Variants in TMEM135 observed in about 807,000 individuals in gnomAD.
TMEM135 encodes the protein transmembrane protein 135, also known as peroxisomal membrane protein 52.
In TMEM135, 30 loss-of-function variants were observed where a neutral mutation model predicts 60.3. The ratio of observed to expected loss-of-function variants is 0.50; its 90% CI spans 0.37 to 0.68. The LOEUF (loss-of-function observed/expected upper bound fraction) is 0.68, where lower values mean the gene tolerates loss of function less well. TMEM135 is among the 30% of genes least tolerant of loss of function. The probability of loss-of-function intolerance (pLI) is 0.00; values close to 1 mark genes in which losing one functional copy is unlikely to be tolerated. For missense variants in TMEM135, 468 were observed against 548.8 expected, an observed-to-expected ratio of 0.85 and a Z score of 1.47; for synonymous variants, 190 against 186.7, an observed-to-expected ratio of 1.02 and a Z score of -0.14.
chr11:87,250,325 A>T (rs1941385998), intron 6 of TMEM135, among the ~76,000 whole-genome samples: 2 of 151,876 alleles, frequency 1.3e-5, no homozygotes, highest in Admixed American at 1.3e-4. Context: ...TCTTCTGCTA[A>T]TTTTGGGCTT....
Position 87,177,689 on chromosome 11 carries a change from C to T in TMEM135, c.462+20283C>T, listed in dbSNP as rs568123630. ...CTTTTTGTCTCTTTTTTTCCATTTC[C>T]GCCCTCTGTGGGTATATTGTAATAC... On this transcript the variant is annotated intron_variant, in intron 5 of 14. Coordinates refer to ENST00000305494, the MANE Select transcript of TMEM135 (RefSeq NM_022918.4). Among the ~76,000 whole-genome samples, 15 of 152,060 alleles carry T rather than the reference C, an allele frequency of 9.9e-5. No individual in the cohort carries two copies. The South Asian group carries it at 1.5e-3, about 15-fold the overall frequency.
intron 6 of TMEM135, among the ~76,000 whole-genome samples, chr11:87,246,644 C>T (rs1003114780): frequency 1.3e-4 from 19 of 150,084 alleles, no homozygotes; most frequent in African/African-American, 3.7e-4. Context: ...TTGATTGTGT[C>T]GGCTCCTGAG....
intron 4 of TMEM135, among the ~76,000 whole-genome samples, chr11:87,137,997 G>A (rs147060562): frequency 3.2e-4 from 48 of 151,714 alleles, no homozygotes; most frequent in African/African-American, 1.1e-3. Flanking sequence ...CGCTGTTAAG[G>A]TCCATTGTCT....
In TMEM135 at chr11:87,318,236, G is replaced by C. The variant is rs1351027673; in HGVS notation, c.1176+1G>C. 1 of 1,603,018 alleles carries C rather than the reference G, an allele frequency of 6.2e-7. No individual in the cohort carries two copies. The highest frequency in any genetic ancestry group is 8.5e-7 in the Non-Finnish European group (1 of 1,172,166). ...CTCTACAGCAATTTGCTTCCAGGCA[G>C]TAAGTATAACTTTTTGAAATGAGAA... On this transcript the variant is annotated splice_donor_variant, in intron 13 of 14. Transcript: ENST00000305494. LOFTEE classifies it high-confidence loss of function.
chr11:87,104,524 C>T (rs2135188996), intron 4 of TMEM135, among the ~76,000 whole-genome samples: 1 of 152,118 alleles, frequency 6.6e-6, no homozygotes, highest in South Asian at 2.1e-4. Context: ...TTGCTTTGGG[C>T]AGTATGAACA....
chr11:87,263,562 T>A (rs1941693143), intron 6 of TMEM135, among the ~76,000 whole-genome samples: 1 of 152,260 alleles, frequency 6.6e-6, no homozygotes, highest in African/African-American at 2.4e-5. Flanking sequence ...GTTCAAAAAT[T>A]CATAAACTGT....
rs745990900 is a variant in TMEM135 at position 87,314,554 on chromosome 11, G to A, written c.1077+7G>A. The A allele has an allele frequency of 2.3e-5, 37 of 1,608,894 alleles. No individual in the cohort carries two copies. Among genetic ancestry groups the A allele is most frequent in the African/African-American group, 1.3e-4 (10 of 74,734 alleles). The stretch of plus-strand genomic sequence containing the variant: ...AGCGTCCAAATTGGTAGAGGTAAGC[G>A]AAATTTTTGTGCAAGAATAGTTCCA... On this transcript the variant is annotated splice_region_variant and intron_variant, in intron 12 of 14. Coordinates refer to ENST00000305494, the MANE Select transcript of TMEM135 (RefSeq NM_022918.4).
intron 6 of TMEM135, among the ~76,000 whole-genome samples, chr11:87,261,583 TTC>T (rs780603337): frequency 3.3e-5 from 5 of 152,322 alleles, no homozygotes; most frequent in East Asian, 1.9e-4. Flanking sequence ...CTCTTTGTAC[TTC>T]TCTCTTTTTA....
At chr11:87,289,642 A>G (rs1942231361) in intron 6 of TMEM135, among the ~76,000 whole-genome samples, 1 of 151,866 alleles carries the variant, frequency 6.6e-6, no homozygotes, top group East Asian at 1.9e-4. Context: ...TTTTTGTTAG[A>G]GACGGGTTTC....
chr11:87,106,363 C>CA (rs1236382290), intron 4 of TMEM135, among the ~76,000 whole-genome samples: 5 of 152,140 alleles, frequency 3.3e-5, no homozygotes, highest in Non-Finnish European at 5.9e-5. Flanking sequence ...CTTAGCCTCT[C>CA]AAAGTGTTGG....
intron 5 of TMEM135, among the ~76,000 whole-genome samples, chr11:87,176,147 T>C (rs1591079284): frequency 6.6e-6 from 1 of 151,574 alleles, no homozygotes; most frequent in Admixed American, 6.6e-5. Flanking sequence ...TAATGGGAGG[T>C]GTTTGGGTCA....
chr11:87,091,413 A>G lies in TMEM135; in HGVS notation c.396+18A>G. ...CCAACTTGGTAAGTATTTTGTTTTA[A>G]CCTTTGATGTCTTCCCATAAGCTAT... On this transcript the variant is annotated intron_variant, in intron 4 of 14. Coordinates refer to ENST00000305494, the MANE Select transcript of TMEM135 (RefSeq NM_022918.4). 6.2e-7 allele frequency: 1 copy of G among 1,610,690 alleles called. No individual in the cohort carries two copies. The highest frequency in any genetic ancestry group is 8.5e-7 in the Non-Finnish European group (1 of 1,177,590).
At chr11:87,242,699 G>C (rs1438302205) in intron 6 of TMEM135, among the ~76,000 whole-genome samples, 1 of 143,242 alleles carries the variant, frequency 7.0e-6, no homozygotes, top group Non-Finnish European at 1.5e-5. Context: ...TGATGGGGTT[G>C]TTTGTTTTTT....
chr11:87,187,688 T>C (rs1320309499), intron 5 of TMEM135, among the ~76,000 whole-genome samples: 2 of 152,234 alleles, frequency 1.3e-5, no homozygotes, highest in African/African-American at 4.8e-5. Flanking sequence ...CTTTGACTAT[T>C]GATAATCTTT....
At chr11:87,198,842 C>CT (rs1256451006) in intron 5 of TMEM135, among the ~76,000 whole-genome samples, 6 of 152,068 alleles carry the variant, frequency 3.9e-5, no homozygotes, top group Non-Finnish European at 8.8e-5. Context: ...GAACGTTTGA[C>CT]TGAGTTCCTA....
chr11:87,083,237 C>G (rs936788637), intron 3 of TMEM135, among the ~76,000 whole-genome samples: 1 of 152,086 alleles, frequency 6.6e-6, no homozygotes, highest in South Asian at 2.1e-4. Flanking sequence ...AAATTTGTGC[C>G]ACAAAGGACT....
chr11:87,162,291 A>G (rs2135274771), intron 5 of TMEM135, among the ~76,000 whole-genome samples: 1 of 152,030 alleles, frequency 6.6e-6, no homozygotes, highest in African/African-American at 2.4e-5. Flanking sequence ...TTGCATAGGT[A>G]TACACGTGCC....
intron 5 of TMEM135, among the ~76,000 whole-genome samples, chr11:87,203,369 A>C (rs1940163534): frequency 6.6e-6 from 1 of 151,952 alleles, no homozygotes; most frequent in Non-Finnish European, 1.5e-5. Context: ...TCATCCTTTA[A>C]CCCCCTGAAA....
intron 5 of TMEM135, among the ~76,000 whole-genome samples, chr11:87,212,918 A>G (rs1485770887): frequency 6.6e-6 from 1 of 151,954 alleles, no homozygotes; most frequent in African/African-American, 2.4e-5. Flanking sequence ...TATAGAAATT[A>G]CTATTTATTT....
Sources: allele counts gnomAD v4.1 joint callset (sites outside exome capture counted in the v4.1 genomes callset), GRCh38; gene constraint gnomAD v4.1.1; transcripts MANE v1.5; gene names NCBI Gene and HGNC (gene_info 2026-07-23, HGNC 2026-07-21).